The following METTL15 variants were observed in gnomAD, a reference collection of about 807,000 sequenced individuals.
METTL15 encodes the protein 12S rRNA N(4)-cytidine methyltransferase METTL15.
Under a neutral mutation model 38.3 loss-of-function variants are expected in METTL15, and 34 were observed. That is an observed-to-expected ratio of 0.89 (90% CI 0.68 to 1.18). The LOEUF (loss-of-function observed/expected upper bound fraction) is 1.18, where lower values mean the gene tolerates loss of function less well. Ranked by LOEUF, METTL15 falls within the 50% of genes most tolerant of loss-of-function variation. The probability of loss-of-function intolerance (pLI) is 0.00; values close to 1 mark genes in which losing one functional copy is unlikely to be tolerated. For missense variants in METTL15, 438 were observed against 498.4 expected (o/e 0.88, Z 1.15); for synonymous variants, 162 against 170.9 (o/e 0.95, Z 0.41).
intron 5 of METTL15, among the ~76,000 whole-genome samples, chr11:28,386,332 T>C (rs966094726): frequency 2.0e-5 from 3 of 151,984 alleles, no homozygotes; most frequent in South Asian, 2.1e-4. Flanking sequence ...AATCCGACTA[T>C]AAGCTGTCTA....
chr11:28,441,209 G>T (rs954324527), intron 6 of METTL15, among the ~76,000 whole-genome samples: 6 of 151,688 alleles, frequency 4.0e-5, no homozygotes, highest in African/African-American at 1.5e-4. Context: ...GTCAGCCTCC[G>T]GAGTAGCTGG....
intron 6 of METTL15, among the ~76,000 whole-genome samples, chr11:28,522,772 C>G (rs917143713): frequency 4.9e-4 from 75 of 152,246 alleles, no homozygotes; most frequent in Admixed American, 1.9e-3. Flanking sequence ...GTTGCCACTG[C>G]TTGAATTAAG....
intron 5 of METTL15, among the ~76,000 whole-genome samples, chr11:28,412,370 A>G (rs1416333510): frequency 6.6e-6 from 1 of 151,718 alleles, no homozygotes; most frequent in African/African-American, 2.4e-5. Flanking sequence ...GATAAAGAAA[A>G]TGTTATATAT....
intron 5 of METTL15, among the ~76,000 whole-genome samples, chr11:28,386,621 A>G (rs747046848): frequency 5.3e-5 from 8 of 152,050 alleles, no homozygotes; most frequent in Non-Finnish European, 1.0e-4. Flanking sequence ...TAACACGTTA[A>G]TATTAGGATA....
chr11:28,481,657 C>G (rs1843173084), intron 6 of METTL15, among the ~76,000 whole-genome samples: 2 of 152,136 alleles, frequency 1.3e-5, no homozygotes, highest in African/African-American at 4.8e-5. Flanking sequence ...CCCATCCTGG[C>G]CCAGAGGTAC....
At position 28,242,980 on chromosome 11, in the gene METTL15, A is replaced by G. The variant is rs75120592; in HGVS notation, c.407+31782A>G. ...CTTTTGAAAGGTGCTAATAGAGATTAAACTTTCTAGCCAGAACTGACCCTA... is the reference window on the plus strand; with the variant it reads ...CTTTTGAAAGGTGCTAATAGAGATTGAACTTTCTAGCCAGAACTGACCCTA... On this transcript the variant is annotated intron_variant, in intron 4 of 6. Transcript: ENST00000407364. Among the ~76,000 whole-genome samples the G allele has an allele frequency of 4.4e-3, 672 of 152,248 alleles. 7 individuals are homozygous for G. Among genetic ancestry groups the G allele is most frequent in the African/African-American group, 0.016 (647 of 41,558 alleles).
Position 28,483,993 on chromosome 11 carries a change from G to A in METTL15, c.*425-42485G>A, listed in dbSNP as rs567731149. Reference sequence around the variant, plus strand: ...AGTGAGATGGTAGGACTGAGAACTTGAGTAAAAACAAGATTCTACATCTTG... The same window carrying A: ...AGTGAGATGGTAGGACTGAGAACTTAAGTAAAAACAAGATTCTACATCTTG... On this transcript the variant is annotated intron_variant and NMD_transcript_variant, in intron 6 of 7. Coordinates refer to the METTL15 transcript ENST00000532947. Among the ~76,000 whole-genome samples, 4 of 152,134 alleles carry A rather than the reference G, an allele frequency of 2.6e-5. No individual in the cohort carries two copies. In the East Asian group the frequency reaches 7.7e-4, roughly 29 times the overall value.
At chr11:28,297,832 G>A (rs1295716534) in intron 6 of METTL15, among the ~76,000 whole-genome samples, 6 of 151,674 alleles carry the variant, frequency 4.0e-5, no homozygotes, top group Non-Finnish European at 8.8e-5. Context: ...TTTTAAAAAA[G>A]GAATATTTGT....
chr11:28,141,412 G>A (rs547944254), intron 3 of METTL15, among the ~76,000 whole-genome samples: 3 of 152,132 alleles, frequency 2.0e-5, no homozygotes, highest in Admixed American at 6.6e-5. Flanking sequence ...GGAGCAACTG[G>A]GGAAGACTTT....
chr11:28,428,593 C>G (rs1480240876), intron 6 of METTL15, among the ~76,000 whole-genome samples: 1 of 152,172 alleles, frequency 6.6e-6, no homozygotes, highest in Admixed American at 6.5e-5. Context: ...CAGGGACTGG[C>G]TTAATTTCTG....
chr11:28,209,031 A>AT (rs1222795762), intron 3 of METTL15, among the ~76,000 whole-genome samples: 6 of 151,878 alleles, frequency 4.0e-5, no homozygotes, highest in Non-Finnish European at 5.9e-5. Flanking sequence ...GTAGTAATAG[A>AT]TTTTTTTTCC....
intron 5 of METTL15, among the ~76,000 whole-genome samples, chr11:28,419,399 G>A (rs1054805979): frequency 3.3e-5 from 5 of 152,148 alleles, no homozygotes; most frequent in Non-Finnish European, 5.9e-5. Context: ...AGACCACCAA[G>A]GAGGTATCTC....
intron 6 of METTL15, among the ~76,000 whole-genome samples, chr11:28,471,417 A>G (rs1487206086): frequency 6.6e-6 from 1 of 151,922 alleles, no homozygotes; most frequent in Non-Finnish European, 1.5e-5. Flanking sequence ...TCTTTTTTCC[A>G]TTTTTCTTCT....
intron 3 of METTL15, among the ~76,000 whole-genome samples, chr11:28,129,975 G>T (rs1263745309): frequency 6.6e-6 from 1 of 151,958 alleles, no homozygotes; most frequent in Non-Finnish European, 1.5e-5. Flanking sequence ...AAAAGCTAGG[G>T]TACACAATTC....
chr11:28,228,382 C>T (rs1436901894), intron 4 of METTL15, among the ~76,000 whole-genome samples: 1 of 151,818 alleles, frequency 6.6e-6, no homozygotes, highest in East Asian at 1.9e-4. Context: ...GTTTTCTCAT[C>T]TTTAAAAATG....
intron 5 of METTL15, among the ~76,000 whole-genome samples, chr11:28,391,697 AAAAACAAG>A (rs745949985): frequency 6.6e-6 from 1 of 152,182 alleles, no homozygotes; most frequent in African/African-American, 2.4e-5. Flanking sequence ...CAAACCTGAC[AAAAACAAG>A]AAATGGGGAA....
At chr11:28,174,417 C>G (rs1850975148) in intron 3 of METTL15, among the ~76,000 whole-genome samples, 1 of 152,070 alleles carries the variant, frequency 6.6e-6, no homozygotes, top group Admixed American at 6.6e-5. Flanking sequence ...AATACCAACC[C>G]TATTTGGAAT....
At chr11:28,208,606 T>C (rs1852475103) in intron 3 of METTL15, among the ~76,000 whole-genome samples, 1 of 152,122 alleles carries the variant, frequency 6.6e-6, no homozygotes. Flanking sequence ...GGTGGAGAGT[T>C]CTGTAGATGT....
chr11:28,295,196 G>A (rs140979728), intron 5 of METTL15, among the ~76,000 whole-genome samples: 2 of 152,166 alleles, frequency 1.3e-5, no homozygotes, highest in Non-Finnish European at 2.9e-5. Flanking sequence ...TTGTATTTCT[G>A]TTTTACAATT....
Sources: gnomAD v4.1 joint callset for allele counts (sites outside exome capture counted in the v4.1 genomes callset) on GRCh38, gnomAD v4.1.1 for gene constraint, MANE v1.5 for transcripts, NCBI Gene and HGNC (gene_info 2026-07-23, HGNC 2026-07-21) for gene names.